The following DDX6 variants were observed in gnomAD, a reference collection of about 807,000 sequenced individuals.
DDX6 encodes probable ATP-dependent RNA helicase DDX6.
DDX6 carries 7 observed loss-of-function variants against 60.6 expected under a neutral mutation model. The observed-to-expected ratio is 0.12, with a 90% CI of 0.07 to 0.22. The LOEUF (loss-of-function observed/expected upper bound fraction) is 0.22, where lower values mean the gene tolerates loss of function less well. Among genes scored for constraint, DDX6 ranks in the 10% least tolerant of loss-of-function variants. DDX6 has a pLI of 1.00. For missense variants in DDX6, 270 were observed against 589.9 expected (o/e 0.46, Z 5.62); for synonymous variants, 207 against 201.0 (o/e 1.03, Z -0.25).
In DDX6 at chr11:118,748,996, G is replaced by A. The variant is rs1860655950; in HGVS notation, c.*3109C>T. 6.6e-6 allele frequency: 1 copy of A among 152,076 alleles called. No homozygotes were observed. Among genetic ancestry groups the A allele is most frequent in the Non-Finnish European group, 1.5e-5 (1 of 68,016 alleles). The allele number at this position is 152,076 out of a possible 1,614,324, so 9.4% of individuals were successfully genotyped here. A position where few individuals can be genotyped will look rare whatever the true frequency, so the allele number is the denominator to read the frequency against. ...GGGACCAACTTCAAACAATTTAGAG[G>A]TATATTTAGGTTTCCCTCTCTCTTA... On this transcript the variant is annotated 3_prime_UTR_variant, in exon 14 of 14. Coordinates refer to ENST00000534980, the MANE Select transcript of DDX6 (RefSeq NM_004397.6).
chr11:118,779,775 A>G (rs11824829), intron 3 of DDX6, 39 bp from the exon 4 acceptor site: 3 of 1,428,480 alleles, frequency 2.1e-6, no homozygotes, highest in Admixed American at 2.1e-5. Flanking sequence ...AATAAATAAC[A>G]CTGTTGGTAA....
At chr11:118,758,593 A>T (rs1187974400) in intron 9 of DDX6, among the ~76,000 whole-genome samples, 181 bp downstream of exon 9, 1 of 152,026 alleles carries the variant, frequency 6.6e-6, no homozygotes, top group Non-Finnish European at 1.5e-5. Flanking sequence ...GGCTGGTCTC[A>T]AACTCCTGAC....
intron 2 of DDX6, among the ~76,000 whole-genome samples, chr11:118,783,567 C>A (rs1254606428): frequency 6.6e-6 from 1 of 151,448 alleles, no homozygotes. Flanking sequence ...CTCTGGGAGG[C>A]CGAGGCAGGC....
Position 118,762,747 on chromosome 11 carries a change from CAA to C in DDX6, c.741+463_741+464del, listed in dbSNP as rs1555160513. Among the ~76,000 whole-genome samples, 12 of 152,226 alleles carry C rather than the reference CAA, an allele frequency of 7.9e-5. No homozygotes were observed. In the South Asian group the frequency reaches 2.3e-3, roughly 29 times the overall value. On this transcript the variant is annotated intron_variant, in intron 7 of 13. Transcript: ENST00000534980. ...AAGTCAGGGACCATCTGTACATGTA[CAA>C]AACATGGCTAGATCCCAGGACTACA... is the stretch of plus-strand genomic sequence containing the variant.
chr11:118,784,014 G>A (rs1861990939), intron 2 of DDX6, among the ~76,000 whole-genome samples: 1 of 148,898 alleles, frequency 6.7e-6, no homozygotes, highest in Admixed American at 6.8e-5. Context: ...CTTGAGCCTG[G>A]GAAGTTGAGG....
chr11:118,758,906 G>GC lies in DDX6; in HGVS notation c.865-5_865-4insG, dbSNP rs782702996. On this transcript the variant is annotated splice_region_variant and splice_polypyrimidine_tract_variant and intron_variant, in intron 8 of 13. Transcript: ENST00000534980. ...AGGGTTTCTGCAAATGGGAATTCTGGGGGGGGAGCGGGAAAAAGATGAGTC... is the reference window on the plus strand; with the variant it reads ...AGGGTTTCTGCAAATGGGAATTCTGGCGGGGGGAGCGGGAAAAAGATGAGTC... 1 of 1,612,630 alleles carries GC rather than the reference G, an allele frequency of 6.2e-7. No individual in the cohort carries two copies. The highest frequency in any genetic ancestry group is 8.5e-7 in the Non-Finnish European group (1 of 1,179,372).
chr11:118,785,508 C>CT (rs397938089), intron 2 of DDX6, among the ~76,000 whole-genome samples: 2,212 of 143,036 alleles, frequency 0.015, 33 homozygotes, highest in African/African-American at 0.035. Flanking sequence ...AACCAGCCAA[C>CT]TTTTTTTTTT....
At chr11:118,780,017 G>C (rs1861837202) in intron 3 of DDX6, among the ~76,000 whole-genome samples, 2 of 148,382 alleles carry the variant, frequency 1.3e-5, no homozygotes, top group Non-Finnish European at 3.0e-5. Context: ...TTGGGAGGCT[G>C]AGGCAGGAGA....
At chr11:118,784,936 G>C (rs874621) in intron 2 of DDX6, among the ~76,000 whole-genome samples, 1 of 151,910 alleles carries the variant, frequency 6.6e-6, no homozygotes, top group Non-Finnish European at 1.5e-5. Context: ...AGTAGAGACG[G>C]GGTTTATTTT....
At chr11:118,766,340 A>AG (rs1238378118) in intron 5 of DDX6, among the ~76,000 whole-genome samples, 1 of 152,140 alleles carries the variant, frequency 6.6e-6, no homozygotes, top group Non-Finnish European at 1.5e-5. Flanking sequence ...AGGCTGAGGC[A>AG]GGAGGATCAC....
intron 4 of DDX6, among the ~76,000 whole-genome samples, chr11:118,777,817 A>G (rs1255966784): frequency 7.0e-6 from 1 of 143,874 alleles, no homozygotes; most frequent in Non-Finnish European, 1.5e-5. Flanking sequence ...TGAACCCAGG[A>G]TGGGAAGGCT....
At chr11:118,787,321 T>C (rs1862106766) in intron 1 of DDX6, 1 of 152,090 alleles carries the variant, frequency 6.6e-6, no homozygotes, top group African/African-American at 2.4e-5. Context: ...AATACAAAAA[T>C]TAGCCAGGCG....
At position 118,750,941 on chromosome 11, in the gene DDX6, G is replaced by A. The variant is rs1188432416; in HGVS notation, c.*1164C>T. The A allele has an allele frequency of 6.6e-6, 1 of 152,108 alleles. No homozygotes were observed. The highest frequency in any genetic ancestry group is 2.4e-5 in the African/African-American group (1 of 41,238). 9.4% of individuals were successfully genotyped at this position (152,108 alleles called of 1,614,324 possible). Reference sequence around the variant, plus strand: ...TAGAAATCTGCTCTCTACAGCACGAGGCCAAAGTACTTTCTAGAATTTAGT... The same window carrying A: ...TAGAAATCTGCTCTCTACAGCACGAAGCCAAAGTACTTTCTAGAATTTAGT... On this transcript the variant is annotated 3_prime_UTR_variant, in exon 14 of 14. Coordinates refer to ENST00000534980, the MANE Select transcript of DDX6 (RefSeq NM_004397.6).
chr11:118,756,189 A>G (rs1185909382), intron 11 of DDX6, 71 bp downstream of exon 11: 63 of 1,223,644 alleles, frequency 5.1e-5, no homozygotes, highest in Admixed American at 7.1e-5. Flanking sequence ...TGCACTATGT[A>G]ATATGAACAG....
At chr11:118,784,972 T>C (rs1195350680) in intron 2 of DDX6, among the ~76,000 whole-genome samples, 1 of 152,212 alleles carries the variant, frequency 6.6e-6, no homozygotes, top group African/African-American at 2.4e-5. Context: ...TTCTCCATGT[T>C]TGTCAGGCTG....
At chr11:118,768,605 G>T (rs1455796436) in intron 4 of DDX6, among the ~76,000 whole-genome samples, 2 of 152,166 alleles carry the variant, frequency 1.3e-5, no homozygotes, top group Non-Finnish European at 2.9e-5. Flanking sequence ...TAAGAACTGT[G>T]TTATGTGTGT....
In DDX6 at chr11:118,749,332, CTTA is replaced by C. The variant is rs1248601199; in HGVS notation, c.*2770_*2772del. ...AAAACAACTTCCAATAGTAACAATG[CTTA>C]TTATGAGGGCCCAAAAAAGAAAGAA... On this transcript the variant is annotated 3_prime_UTR_variant, in exon 14 of 14. Transcript: ENST00000534980. The C allele has an allele frequency of 3.7e-5, 4 of 108,802 alleles. No homozygotes were observed. The highest frequency in any genetic ancestry group is 1.3e-4 in the Admixed American group (1 of 7,762). 6.7% of individuals were successfully genotyped at this position (108,802 alleles called of 1,614,324 possible).
At chr11:118,780,375 T>C (rs1248192021) in intron 3 of DDX6, among the ~76,000 whole-genome samples, 1 of 152,100 alleles carries the variant, frequency 6.6e-6, no homozygotes, top group Non-Finnish European at 1.5e-5. Flanking sequence ...TGCAGTGCAG[T>C]GGCGTGATCT....
chr11:118,756,016 T>TTC, intron 11 of DDX6, among the ~76,000 whole-genome samples: 1 of 81,346 alleles, frequency 1.2e-5, no homozygotes, highest in Non-Finnish European at 2.3e-5. Flanking sequence ...TCCATCCCCC[T>TTC]CCCCCCCCCC....
Sources: gnomAD v4.1 joint callset for allele counts (sites outside exome capture counted in the v4.1 genomes callset) on GRCh38, gnomAD v4.1.1 for gene constraint, MANE v1.5 for transcripts, NCBI Gene and HGNC (gene_info 2026-07-23, HGNC 2026-07-21) for gene names.